Variants in ABLIM1 observed in about 807,000 individuals in gnomAD.
ABLIM1 encodes actin-binding LIM protein 1.
ABLIM1 carries 40 observed loss-of-function variants against 107.0 expected under a neutral mutation model. That is an observed-to-expected ratio of 0.37 (90% confidence interval 0.29 to 0.49). The LOEUF (loss-of-function observed/expected upper bound fraction) is 0.49. ABLIM1 is among the 20% of genes least tolerant of loss of function. The pLI is 0.97. For synonymous variants in ABLIM1, 357 were observed against 357.3 expected (o/e 1.00, Z 0.01); for missense variants, 857 against 1,008.5 (o/e 0.85, Z 2.04).
chr10:114,787,772 G>A, the ABLIM1 span, among the ~76,000 whole-genome samples: 1 of 110,050 alleles, frequency 9.1e-6, no homozygotes, highest in African/African-American at 3.1e-5. Context: ...CTGCCCTGCC[G>A]CCCCTACTGG....
intron 6 of ABLIM1, among the ~76,000 whole-genome samples, chr10:114,510,939 T>C (rs956963467): frequency 2.0e-5 from 3 of 151,826 alleles, no homozygotes; most frequent in Admixed American, 6.6e-5. Context: ...GCCTGAGCCA[T>C]TGTGCCCTGC....
intron 17 of ABLIM1, among the ~76,000 whole-genome samples, chr10:114,442,293 C>T (rs2060304680): frequency 6.6e-6 from 1 of 152,204 alleles, no homozygotes; most frequent in Admixed American, 6.5e-5. Flanking sequence ...TTATCAAGAT[C>T]TACCAGCCAT....
chr10:114,783,112 T>C, the ABLIM1 span, among the ~76,000 whole-genome samples: 1 of 151,848 alleles, frequency 6.6e-6, no homozygotes, highest in Non-Finnish European at 1.5e-5. Context: ...TGAAACCCTG[T>C]CTCTACTACA....
At chr10:114,798,562 C>CCA in the ABLIM1 span, among the ~76,000 whole-genome samples, 42 of 147,530 alleles carry the variant, frequency 2.8e-4, 1 homozygote, top group African/African-American at 1.0e-3. Context: ...TGAGACCCCC[C>CCA]CCCCATGTCT....
At chr10:114,653,784 G>A (rs545666129) in intron 1 of ABLIM1, among the ~76,000 whole-genome samples, 6 of 151,944 alleles carry the variant, frequency 3.9e-5, no homozygotes, top group Non-Finnish European at 5.9e-5. Context: ...ATATTTTTGC[G>A]GAAGCTATTT....
At chr10:114,618,376 AT>A (rs1387401965) in intron 1 of ABLIM1, among the ~76,000 whole-genome samples, 1 of 152,046 alleles carries the variant, frequency 6.6e-6, no homozygotes, top group Non-Finnish European at 1.5e-5. Context: ...TCTACTAATA[AT>A]TTTTTCCAAT....
intron 8 of ABLIM1, among the ~76,000 whole-genome samples, chr10:114,485,695 C>T (rs922451628): frequency 9.2e-5 from 14 of 152,308 alleles, no homozygotes; most frequent in African/African-American, 3.1e-4. Context: ...TGAGAGCCAT[C>T]CTTGAGAATC....
At chr10:114,697,791 T>C (rs1467273477) in intron 1 of ABLIM1, among the ~76,000 whole-genome samples, 2 of 152,218 alleles carry the variant, frequency 1.3e-5, no homozygotes, top group Non-Finnish European at 2.9e-5. Context: ...CTCAAAACCT[T>C]CTCATATTAA....
intron 1 of ABLIM1, among the ~76,000 whole-genome samples, chr10:114,624,698 A>T (rs1424508266): frequency 6.6e-6 from 1 of 152,138 alleles, no homozygotes; most frequent in Non-Finnish European, 1.5e-5. Context: ...CGTAGAAATG[A>T]CATCTTTTTC....
intron 1 of ABLIM1, among the ~76,000 whole-genome samples, chr10:114,695,030 G>T (rs1353547803): frequency 6.6e-6 from 1 of 152,182 alleles, no homozygotes; most frequent in Non-Finnish European, 1.5e-5. Context: ...TTATGTGCAT[G>T]TTACAGTTAG....
At chr10:114,677,415 T>C (rs11196865) in intron 1 of ABLIM1, among the ~76,000 whole-genome samples, 17,424 of 152,226 alleles carry the variant, frequency 0.11, 1,614 homozygotes, top group East Asian at 0.44. Flanking sequence ...AGGAGCATTC[T>C]GCCTTCCCAC....
chr10:114,512,612 G>A (rs546720484), intron 6 of ABLIM1, among the ~76,000 whole-genome samples: 1 of 152,132 alleles, frequency 6.6e-6, no homozygotes. Flanking sequence ...ATCACTTGAG[G>A]TCAGGAGTTC....
At chr10:114,663,164 T>A (rs755175164), upstream of ABLIM1, among the ~76,000 whole-genome samples, 2 of 152,182 alleles carry the variant, frequency 1.3e-5, no homozygotes, top group Non-Finnish European at 2.9e-5. Flanking sequence ...CTCCTTCCCA[T>A]TGGAACTTTC....
At chr10:114,632,757 C>T (rs1349985228) in intron 1 of ABLIM1, 15 of 985,366 alleles carry the variant, frequency 1.5e-5, no homozygotes, top group South Asian at 9.4e-5. Flanking sequence ...TCTGTTTCAT[C>T]GGAGTTTTTA....
chr10:114,650,147 G>T lies in ABLIM1; in HGVS notation c.244+7810C>A, dbSNP rs569097673. 2.5e-4 allele frequency among the ~76,000 whole-genome samples: 38 copies of T among 152,262 alleles called. No individual in the cohort carries two copies. The South Asian group carries it at 7.9e-3, about 32-fold the overall frequency. On this transcript the variant is annotated intron_variant, in intron 1 of 22. Coordinates refer to ENST00000533213, the MANE Select transcript of ABLIM1 (RefSeq NM_002313.7). ...TGGGATTACAGGCGTGAGCCACTGT[G>T]CCCAGCCTCCACACAATCCATATTC... is the stretch of plus-strand genomic sequence containing the variant.
intron 11 of ABLIM1, among the ~76,000 whole-genome samples, chr10:114,466,299 G>A (rs1428066757): frequency 6.6e-6 from 1 of 152,012 alleles, no homozygotes; most frequent in African/African-American, 2.4e-5. Context: ...GACAGAGTGA[G>A]ACACTGTTTC....
intron 1 of ABLIM1, among the ~76,000 whole-genome samples, chr10:114,747,492 T>A (rs2082409240): frequency 6.6e-6 from 1 of 152,166 alleles, no homozygotes. Flanking sequence ...AATGCCAGAG[T>A]AGAAGAATCT....
At chr10:114,544,115 C>A (rs1410058715) in intron 6 of ABLIM1, among the ~76,000 whole-genome samples, 1 of 152,160 alleles carries the variant, frequency 6.6e-6, no homozygotes, top group Non-Finnish European at 1.5e-5. Context: ...ACGTGCCCTG[C>A]TGGGAAGGTG....
At chr10:114,580,399 G>C (rs2073218794) in intron 2 of ABLIM1, among the ~76,000 whole-genome samples, 1 of 151,886 alleles carries the variant, frequency 6.6e-6, no homozygotes. Context: ...GTATACACAG[G>C]CTGGTTTCTT....
Sources: allele counts gnomAD v4.1 joint callset (sites outside exome capture counted in the v4.1 genomes callset), GRCh38; gene constraint gnomAD v4.1.1; transcripts MANE v1.5; gene names NCBI Gene and HGNC (gene_info 2026-07-23, HGNC 2026-07-21).